Variants in DNAH3 observed in about 807,000 individuals in gnomAD.
DNAH3 encodes axonemal beta dynein heavy chain 3.
A neutral mutation model predicts 432.5 loss-of-function variants in DNAH3; 332 were observed. The ratio of observed to expected loss-of-function variants is 0.77; its 90% CI spans 0.70 to 0.84. DNAH3 has a LOEUF of 0.84. DNAH3 is among the 40% of genes least tolerant of loss of function. The pLI is 0.00. For synonymous variants in DNAH3, 1,956 were observed against 1,900.2 expected, an observed-to-expected ratio of 1.03 and a Z score of -0.76; for missense variants, 4,861 against 5,114.0, an observed-to-expected ratio of 0.95 and a Z score of 1.51.
At chr16:21,046,411 T>A (rs1204604016) in intron 31 of DNAH3, among the ~76,000 whole-genome samples, 6 of 151,296 alleles carry the variant, frequency 4.0e-5, no homozygotes, top group Non-Finnish European at 8.9e-5. Context: ...GTTGAATTGA[T>A]CCCTTTACCA....
intron 43 of DNAH3, 88 bp from the exon 44 acceptor site, chr16:20,997,550 G>A: frequency 6.9e-7 from 1 of 1,450,476 alleles, no homozygotes; most frequent in Admixed American, 1.9e-5. Flanking sequence ...TCCCCTGTAG[G>A]GGAATCTGTT....
At chr16:21,015,206 A>G (rs957461212) in intron 41 of DNAH3, among the ~76,000 whole-genome samples, 1 of 152,236 alleles carries the variant, frequency 6.6e-6, no homozygotes, top group Non-Finnish European at 1.5e-5. Context: ...ACATACAATG[A>G]AATATTATTA....
chr16:20,964,377 C>T (rs376140336), exon 53 of DNAH3: 4 of 1,614,172 alleles, frequency 2.5e-6, no homozygotes, highest in Non-Finnish European at 2.5e-6. Context: ...TGATGTATAA[C>T]TTAAAATCCC....
intron 37 of DNAH3, among the ~76,000 whole-genome samples, chr16:21,028,211 T>C (rs572195151): frequency 6.6e-6 from 1 of 152,132 alleles, no homozygotes; most frequent in East Asian, 1.9e-4. Flanking sequence ...AATATATTTT[T>C]TAAAATTTTT....
exon 53 of DNAH3, chr16:20,965,240 C>T (rs557651898): frequency 5.6e-6 from 9 of 1,613,210 alleles, no homozygotes; most frequent in South Asian, 4.4e-5. Flanking sequence ...CACAGACCCT[C>T]GCAGGCCGAC....
chr16:21,133,690 A>G (rs2092602328), intron 7 of DNAH3, among the ~76,000 whole-genome samples: 1 of 152,146 alleles, frequency 6.6e-6, no homozygotes, highest in Non-Finnish European at 1.5e-5. Context: ...CAGTGAGCCA[A>G]GATCGCGCCA....
intron 56 of DNAH3, among the ~76,000 whole-genome samples, chr16:20,950,986 C>G (rs1404820277): frequency 6.6e-6 from 1 of 152,020 alleles, no homozygotes; most frequent in African/African-American, 2.4e-5. Flanking sequence ...CCATATCCAG[C>G]TCATTTTTAT....
At chr16:21,133,901 G>A (rs565827217) in intron 7 of DNAH3, among the ~76,000 whole-genome samples, 3 of 152,186 alleles carry the variant, frequency 2.0e-5, no homozygotes, top group Admixed American at 1.3e-4. Context: ...TAACATTATC[G>A]CAAATTTAGA....
chr16:20,986,887 T>C (rs1411106144), intron 47 of DNAH3, among the ~76,000 whole-genome samples: 1 of 152,174 alleles, frequency 6.6e-6, no homozygotes, highest in Non-Finnish European at 1.5e-5. Flanking sequence ...ACTTTTCTTA[T>C]ATGGAAATGG....
intron 55 of DNAH3, 93 bp from the exon 56 acceptor site, chr16:20,952,642 T>G: frequency 1.2e-6 from 1 of 806,072 alleles, no homozygotes; most frequent in Admixed American, 1.8e-5. Flanking sequence ...TCATTATGGA[T>G]CAAAAGCCTC....
rs372364562 is a variant in DNAH3 at position 20,942,167 on chromosome 16, A to T, written c.11512-624T>A. ...CTCAGCCAGGTAGCTTCAGGGCAGC[A>T]CTAAGCCTCTGTCTTCAATGTCACA... On this transcript the variant is annotated intron_variant, in intron 58 of 61. Coordinates refer to ENST00000261383, the Ensembl canonical transcript of DNAH3. 1.1e-3 allele frequency among the ~76,000 whole-genome samples: 166 copies of T among 152,212 alleles called. 3 individuals carry two copies. The South Asian group carries it at 0.032, about 30-fold the overall frequency.
At chr16:21,068,321 T>TGGGGGGGG in intron 23 of DNAH3, among the ~76,000 whole-genome samples, 1 of 44,416 alleles carries the variant, frequency 2.3e-5, no homozygotes, top group African/African-American at 8.3e-5. Context: ...TACTTTTTTT[T>TGGGGGGGG]GGGTGGGGGG....
chr16:21,084,047 T>C (rs2091282626), intron 19 of DNAH3, among the ~76,000 whole-genome samples: 1 of 151,898 alleles, frequency 6.6e-6, no homozygotes, highest in Non-Finnish European at 1.5e-5. Context: ...CTTTTTTGCC[T>C]TTTTGACTTT....
At chr16:20,933,253 G>A in exon 62 of DNAH3, 1 of 1,614,266 alleles carries the variant, frequency 6.2e-7, no homozygotes, top group Non-Finnish European at 8.5e-7. Flanking sequence ...AGTTGGTAGA[G>A]TGGCCTGTGG....
intron 50 of DNAH3, 38 bp downstream of exon 50, chr16:20,979,292 G>A (rs539778776): frequency 2.3e-5 from 36 of 1,599,410 alleles, no homozygotes; most frequent in African/African-American, 2.7e-5. Context: ...ACCTCGTCCC[G>A]GGCCTCTTTG....
chr16:20,972,238 CT>C (rs567074716), intron 51 of DNAH3, among the ~76,000 whole-genome samples: 643 of 142,672 alleles, frequency 4.5e-3, no homozygotes, highest in East Asian at 0.02. Flanking sequence ...TTTTTTCTCT[CT>C]TTTTTTTTTT....
intron 20 of DNAH3, among the ~76,000 whole-genome samples, chr16:21,077,663 C>A (rs1361088317): frequency 6.6e-6 from 1 of 152,118 alleles, no homozygotes; most frequent in Non-Finnish European, 1.5e-5. Flanking sequence ...CTTCTTGTTT[C>A]CACATGGAGA....
chr16:21,105,879 A>G (rs2091933191), intron 15 of DNAH3, among the ~76,000 whole-genome samples: 1 of 152,048 alleles, frequency 6.6e-6, no homozygotes, highest in African/African-American at 2.4e-5. Context: ...ATGCCAAGAC[A>G]GGGATCTAAG....
intron 14 of DNAH3, among the ~76,000 whole-genome samples, chr16:21,109,851 G>A (rs769468151): frequency 2.4e-4 from 37 of 151,748 alleles, no homozygotes; most frequent in African/African-American, 6.8e-4. Flanking sequence ...TGATCCTCTC[G>A]CCTCAGCCTC....
Sources: gnomAD v4.1 joint callset for allele counts (sites outside exome capture counted in the v4.1 genomes callset) on GRCh38, gnomAD v4.1.1 for gene constraint, MANE v1.5 for transcripts, NCBI Gene and HGNC (gene_info 2026-07-23, HGNC 2026-07-21) for gene names.